Variants in ADAM12 observed in about 807,000 individuals in gnomAD.
The protein encoded by ADAM12 is disintegrin and metalloproteinase domain-containing protein 12.
ADAM12 carries 70 observed loss-of-function variants against 106.4 expected under a neutral mutation model. The ratio of observed to expected loss-of-function variants is 0.66; its 90% confidence interval spans 0.54 to 0.80. The LOEUF (loss-of-function observed/expected upper bound fraction) is 0.80. ADAM12 is among the 30% of genes least tolerant of loss of function. The pLI, the probability that ADAM12 is intolerant of heterozygous loss-of-function variation, is 0.00. For missense variants in ADAM12, 1,010 were observed against 1,171.9 expected (o/e 0.86, Z 2.02); for synonymous variants, 420 against 433.5 (o/e 0.97, Z 0.39).
intron 3 of ADAM12, among the ~76,000 whole-genome samples, chr10:126,203,182 C>T (rs1957733163): frequency 6.6e-6 from 1 of 152,126 alleles, no homozygotes; most frequent in African/African-American, 2.4e-5. Flanking sequence ...AGTTTCTTAC[C>T]TTAATAACTA....
intron 2 of ADAM12, among the ~76,000 whole-genome samples, chr10:126,291,845 C>A (rs1565194908): frequency 6.6e-6 from 1 of 152,270 alleles, no homozygotes; most frequent in East Asian, 1.9e-4. Context: ...ACCACGTTAA[C>A]CAGACTATCA....
intron 3 of ADAM12, among the ~76,000 whole-genome samples, chr10:126,260,196 G>A (rs1373736460): frequency 2.6e-5 from 4 of 152,202 alleles, no homozygotes; most frequent in African/African-American, 9.7e-5. Context: ...GATCTGTCCT[G>A]GGACAACAGG....
chr10:126,321,390 A>G (rs1854089550), intron 2 of ADAM12, among the ~76,000 whole-genome samples: 1 of 152,176 alleles, frequency 6.6e-6, no homozygotes, highest in African/African-American at 2.4e-5. Flanking sequence ...ACCCGATTCA[A>G]TAAAAACAAT....
At chr10:126,384,398 A>G (rs1856589683) in intron 1 of ADAM12, among the ~76,000 whole-genome samples, 1 of 152,196 alleles carries the variant, frequency 6.6e-6, no homozygotes, top group African/African-American at 2.4e-5. Context: ...CTCCACAGAA[A>G]TGAGGAATGA....
Position 126,318,611 on chromosome 10 carries a change from T to G in ADAM12, c.186+11801A>C, listed in dbSNP as rs114998441. Among the ~76,000 whole-genome samples the G allele has an allele frequency of 7.0e-3, 1,064 of 152,008 alleles. 14 individuals are homozygous for G. Among genetic ancestry groups the G allele is most frequent in the African/African-American group, 0.024 (1,002 of 41,430 alleles). On this transcript the variant is annotated intron_variant, in intron 2 of 22. Transcript: ENST00000448723. ...ACACTCTCTCACACACCTTCACACA[T>G]GCATCCATGGGTGTATGTCAAAGAG...
chr10:126,032,102 T>A (rs1953982117), intron 21 of ADAM12, among the ~76,000 whole-genome samples: 1 of 152,236 alleles, frequency 6.6e-6, no homozygotes, highest in Non-Finnish European at 1.5e-5. Context: ...AAGACCTAGC[T>A]TACAGTTTAA....
At chr10:126,076,054 G>A (rs1299053024) in intron 11 of ADAM12, among the ~76,000 whole-genome samples, 1 of 152,128 alleles carries the variant, frequency 6.6e-6, no homozygotes, top group Non-Finnish European at 1.5e-5. Context: ...CCCAATAGGT[G>A]GTTTTTCAGC....
At position 126,098,514 on chromosome 10, in the gene ADAM12, G is replaced by A; in HGVS notation, c.912-14C>T. 6.2e-7 allele frequency: 1 copy of A among 1,606,724 alleles called. No homozygotes were observed. The highest frequency in any genetic ancestry group is 1.1e-5 in the South Asian group (1 of 90,898). On this transcript the variant is annotated splice_polypyrimidine_tract_variant and intron_variant, in intron 9 of 22. Coordinates refer to ENST00000448723, the MANE Select transcript of ADAM12 (RefSeq NM_001288973.2). The stretch of plus-strand genomic sequence containing the variant: ...AAATAAACCCCACTAGGAAATAAAA[G>A]AGAGGACTTTCTTTAATCAAATTAG...
At chr10:126,266,451 C>G (rs1959099341) in intron 3 of ADAM12, among the ~76,000 whole-genome samples, 1 of 152,126 alleles carries the variant, frequency 6.6e-6, no homozygotes, top group South Asian at 2.1e-4. Flanking sequence ...GAGACCTGAG[C>G]ATGTGATTCC....
intron 14 of ADAM12, among the ~76,000 whole-genome samples, chr10:126,056,348 C>T (rs1251856743): frequency 3.9e-5 from 6 of 152,188 alleles, no homozygotes; most frequent in African/African-American, 1.4e-4. Flanking sequence ...GCTATGATTT[C>T]ATCAGCCATG....
chr10:126,374,407 T>A (rs1856208044), intron 1 of ADAM12, among the ~76,000 whole-genome samples: 1 of 151,972 alleles, frequency 6.6e-6, no homozygotes, highest in Non-Finnish European at 1.5e-5. Context: ...TAACCTGAAA[T>A]GGATAACAAT....
intron 11 of ADAM12, among the ~76,000 whole-genome samples, chr10:126,082,374 T>G (rs1565042216): frequency 1.4e-5 from 2 of 144,954 alleles, no homozygotes; most frequent in African/African-American, 2.6e-5. Flanking sequence ...TTTTTTTTTT[T>G]TTTTTTTTTT....
At chr10:126,149,205 C>T (rs551436073) in intron 4 of ADAM12, among the ~76,000 whole-genome samples, 1 of 152,256 alleles carries the variant, frequency 6.6e-6, no homozygotes, top group South Asian at 2.1e-4. Flanking sequence ...ATCAGAGAAC[C>T]CAGAAAAGCA....
At chr10:126,161,106 TA>T (rs1956924181) in intron 3 of ADAM12, among the ~76,000 whole-genome samples, 4 of 139,522 alleles carry the variant, frequency 2.9e-5, no homozygotes, top group Admixed American at 7.6e-5. Flanking sequence ...TGCGTCTCCT[TA>T]CTTATTTATC....
chr10:126,270,254 G>C (rs1959169118), intron 3 of ADAM12, among the ~76,000 whole-genome samples: 1 of 152,172 alleles, frequency 6.6e-6, no homozygotes, highest in South Asian at 2.1e-4. Context: ...CCAAGGCAGG[G>C]GATGGGGCTT....
At chr10:126,126,241 C>G (rs1040591723) in intron 5 of ADAM12, among the ~76,000 whole-genome samples, 4 of 152,112 alleles carry the variant, frequency 2.6e-5, no homozygotes, top group Non-Finnish European at 4.4e-5. Context: ...ACGCACAGCA[C>G]TAATGCTGGG....
intron 5 of ADAM12, among the ~76,000 whole-genome samples, chr10:126,123,424 C>T (rs537968848): frequency 1.3e-5 from 2 of 152,336 alleles, no homozygotes; most frequent in African/African-American, 4.8e-5. Flanking sequence ...AGAAGAAAGT[C>T]TCCAATGTTT....
intron 3 of ADAM12, among the ~76,000 whole-genome samples, chr10:126,199,828 T>C (rs1335262560): frequency 1.3e-5 from 2 of 152,234 alleles, no homozygotes; most frequent in East Asian, 1.9e-4. Flanking sequence ...AGATTGTGCA[T>C]GACCTTGAGA....
At chr10:126,126,760 G>C (rs991709854) in intron 5 of ADAM12, among the ~76,000 whole-genome samples, 2 of 152,106 alleles carry the variant, frequency 1.3e-5, no homozygotes, top group African/African-American at 4.8e-5. Context: ...TGATAGAAGA[G>C]AGGGATGAAG....
Sources: gnomAD v4.1 joint callset for allele counts (sites outside exome capture counted in the v4.1 genomes callset) on GRCh38, gnomAD v4.1.1 for gene constraint, MANE v1.5 for transcripts, NCBI Gene and HGNC (gene_info 2026-07-23, HGNC 2026-07-21) for gene names.